PRLR: variants seen among roughly 807,000 people sequenced by gnomAD.
The protein encoded by PRLR is hPRL receptor.
Under a neutral mutation model 40.2 loss-of-function variants are expected in PRLR, and 13 were observed. That is an observed-to-expected ratio of 0.32 (90% confidence interval 0.21 to 0.51). The LOEUF (loss-of-function observed/expected upper bound fraction) is 0.51, where lower values mean the gene tolerates loss of function less well. PRLR is among the 20% of genes least tolerant of loss of function. The pLI is 0.97. For missense variants in PRLR, 656 were observed against 747.3 expected, an observed-to-expected ratio of 0.88 and a Z score of 1.42; for synonymous variants, 269 against 278.7, an observed-to-expected ratio of 0.97 and a Z score of 0.35.
chr5:35,186,920 G>A (rs75707039), intron 1 of PRLR, among the ~76,000 whole-genome samples: 11,130 of 152,154 alleles, frequency 0.073, 462 homozygotes, highest in East Asian at 0.11. Flanking sequence ...GGTGGGGTTG[G>A]TGCCAGCCTA....
intron 1 of PRLR, among the ~76,000 whole-genome samples, chr5:35,163,436 A>C (rs1774733369): frequency 6.6e-6 from 1 of 152,180 alleles, no homozygotes. Flanking sequence ...AATCCAGAGG[A>C]ATGCCATTTC....
chr5:35,223,410 T>C (rs1776470704), intron 1 of PRLR, among the ~76,000 whole-genome samples: 1 of 152,206 alleles, frequency 6.6e-6, no homozygotes, highest in South Asian at 2.1e-4. Context: ...GGAGTGGGGC[T>C]GAGGCATTTG....
intron 1 of PRLR, among the ~76,000 whole-genome samples, chr5:35,121,375 G>T (rs2111731384): frequency 6.6e-6 from 1 of 152,318 alleles, no homozygotes; most frequent in African/African-American, 2.4e-5. Flanking sequence ...GGAAGGGGCT[G>T]TGTCATATCC....
At chr5:35,135,101 T>TTTTG (rs71600972) in intron 1 of PRLR, among the ~76,000 whole-genome samples, 2,361 of 149,872 alleles carry the variant, frequency 0.016, 71 homozygotes, top group African/African-American at 0.056. Context: ...TTTTTTTTTT[T>TTTTG]TCTTAGAGAG....
chr5:35,128,276 A>G (rs36034794), intron 1 of PRLR, among the ~76,000 whole-genome samples: 19,362 of 149,876 alleles, frequency 0.13, 3,617 homozygotes, highest in African/African-American at 0.41. Context: ...AGCATCTTCT[A>G]TCAAGGACTT....
rs149487133 is a variant in PRLR, at chr5:35,105,458, G to T, written c.-44+12603C>A. Among the ~76,000 whole-genome samples the T allele has an allele frequency of 8.7e-3, 1,331 of 152,254 alleles. 23 individuals are homozygous for T. Among genetic ancestry groups the T allele is most frequent in the African/African-American group, 0.031 (1,277 of 41,538 alleles). On this transcript the variant is annotated intron_variant, in intron 2 of 9. Coordinates refer to ENST00000618457, the MANE Select transcript of PRLR (RefSeq NM_000949.7). ...CTAAAGGAGGGTGTTCAAACCCATCGCAAAGAAGCTAAAAACCTTGAAAAA... is the reference window on the plus strand; with the variant it reads ...CTAAAGGAGGGTGTTCAAACCCATCTCAAAGAAGCTAAAAACCTTGAAAAA...
At chr5:35,137,860 G>A (rs1245673250) in intron 1 of PRLR, among the ~76,000 whole-genome samples, 6 of 152,148 alleles carry the variant, frequency 3.9e-5, no homozygotes, top group Admixed American at 2.0e-4. Context: ...GCTTGAACCC[G>A]GGAAGCAGAG....
intron 1 of PRLR, among the ~76,000 whole-genome samples, chr5:35,165,319 AAC>A (rs1022173121): frequency 1.3e-5 from 2 of 152,216 alleles, no homozygotes; most frequent in Non-Finnish European, 2.9e-5. Flanking sequence ...GTAGCTGCAT[AAC>A]AGAGACTCTC....
chr5:35,207,657 G>A (rs894569787), intron 1 of PRLR, among the ~76,000 whole-genome samples: 1 of 147,378 alleles, frequency 6.8e-6, no homozygotes. Context: ...GAGAAGTCAT[G>A]TAATATAAAA....
intron 5 of PRLR, chr5:35,081,893 G>A (rs1230055662): frequency 3.6e-5 from 7 of 192,836 alleles, no homozygotes; most frequent in Admixed American, 2.5e-4. Flanking sequence ...TTTGGGGCTG[G>A]CATCGCCCTC....
intron 1 of PRLR, among the ~76,000 whole-genome samples, chr5:35,175,831 C>A (rs1775132693): frequency 6.6e-6 from 1 of 151,910 alleles, no homozygotes; most frequent in Non-Finnish European, 1.5e-5. Flanking sequence ...CTTTCTTCTT[C>A]TTATTGTTCA....
intron 2 of PRLR, among the ~76,000 whole-genome samples, chr5:35,115,549 G>T (rs1772964255): frequency 6.6e-6 from 1 of 152,156 alleles, no homozygotes; most frequent in African/African-American, 2.4e-5. Flanking sequence ...AGGACCCTGG[G>T]CTGCTTCTAA....
intron 2 of PRLR, among the ~76,000 whole-genome samples, chr5:35,104,759 C>T (rs187123653): frequency 1.6e-3 from 248 of 152,126 alleles, no homozygotes; most frequent in African/African-American, 5.7e-3. Flanking sequence ...AGCTCAAGGA[C>T]GCCTGCCTGT....
intron 2 of PRLR, among the ~76,000 whole-genome samples, chr5:35,109,004 A>G (rs192391794): frequency 7.8e-4 from 119 of 152,278 alleles, no homozygotes; most frequent in African/African-American, 2.5e-3. Flanking sequence ...GCATGGTACT[A>G]GTACCAAAAC....
chr5:35,094,824 C>CTTTT (rs143791323), intron 2 of PRLR, among the ~76,000 whole-genome samples: 7 of 113,976 alleles, frequency 6.1e-5, no homozygotes, highest in African/African-American at 1.0e-4. Flanking sequence ...AGGAGTTGGG[C>CTTTT]TTTTTTTTTT....
Position 35,059,991 on chromosome 5 carries a change from G to C in PRLR, c.*5098C>G, listed in dbSNP as rs1485325101. ...TAGGACTACAGGTACGTGTCACCAT[G>C]GCTGGCTAATTTTTAAAATTTTTGT... On this transcript the variant is annotated 3_prime_UTR_variant, in exon 10 of 10. Coordinates refer to ENST00000618457, the MANE Select transcript of PRLR (RefSeq NM_000949.7). The C allele has an allele frequency of 6.6e-6, 1 of 152,114 alleles. No individual in the cohort carries two copies. Among genetic ancestry groups the C allele is most frequent in the Admixed American group, 6.6e-5 (1 of 15,266 alleles). 9.4% of individuals were successfully genotyped at this position (152,114 alleles called of 1,614,324 possible).
chr5:35,069,645 T>C (rs1432923661), intron 7 of PRLR, among the ~76,000 whole-genome samples: 13 of 152,230 alleles, frequency 8.5e-5, no homozygotes, highest in Non-Finnish European at 4.4e-5. Flanking sequence ...AAATGCAAGA[T>C]GGATTGTTCC....
At chr5:35,191,140 G>A (rs59264910) in intron 1 of PRLR, among the ~76,000 whole-genome samples, 11,447 of 79,986 alleles carry the variant, frequency 0.14, 2,163 homozygotes, top group African/African-American at 0.33. Context: ...GCGCAATCTC[G>A]GCTCACTGCA....
intron 8 of PRLR, 131 bp downstream of exon 8, chr5:35,068,648 T>C: frequency 1.4e-6 from 1 of 732,584 alleles, no homozygotes; most frequent in South Asian, 2.1e-5. Flanking sequence ...ATTTTTTTTA[T>C]GGGCAAACAC....
Sources: allele counts gnomAD v4.1 joint callset (sites outside exome capture counted in the v4.1 genomes callset), GRCh38; gene constraint gnomAD v4.1.1; transcripts MANE v1.5; gene names NCBI Gene and HGNC (gene_info 2026-07-23, HGNC 2026-07-21).